Variants in CAMTA1 observed in about 807,000 individuals in gnomAD.
CAMTA1 encodes calmodulin-binding transcription activator 1.
Under a neutral mutation model 170.9 loss-of-function variants are expected in CAMTA1, and 27 were observed. That is an observed-to-expected ratio of 0.16 (90% CI 0.12 to 0.22). The LOEUF (loss-of-function observed/expected upper bound fraction) is 0.22. Among genes scored for constraint, CAMTA1 ranks in the 10% least tolerant of loss-of-function variants. The pLI is 1.00. For synonymous variants in CAMTA1, 833 were observed against 891.5 expected (o/e 0.93, Z 1.17); for missense variants, 1,619 against 2,217.2 (o/e 0.73, Z 5.42).
chr1:7,494,847 A>T (rs2093799942), intron 6 of CAMTA1, among the ~76,000 whole-genome samples: 1 of 152,166 alleles, frequency 6.6e-6, no homozygotes, highest in East Asian at 1.9e-4. Flanking sequence ...TCTGGTCCAG[A>T]TAGAAGCCAG....
chr1:7,750,575 T>C (rs2096889637), intron 19 of CAMTA1, among the ~76,000 whole-genome samples: 1 of 152,264 alleles, frequency 6.6e-6, no homozygotes, highest in Non-Finnish European at 1.5e-5. Context: ...CTCCTGGCAC[T>C]GCCTCCTGGG....
chr1:6,963,790 C>G (rs939114546), intron 3 of CAMTA1, among the ~76,000 whole-genome samples: 2 of 152,130 alleles, frequency 1.3e-5, no homozygotes, highest in Non-Finnish European at 2.9e-5. Flanking sequence ...AGGTGGCGAC[C>G]GTGCGAGCAG....
intron 4 of CAMTA1, among the ~76,000 whole-genome samples, chr1:7,126,193 G>A (rs1644923686): frequency 6.6e-6 from 1 of 152,162 alleles, no homozygotes; most frequent in Non-Finnish European, 1.5e-5. Context: ...CAACACTGGG[G>A]AATGATGGGA....
At chr1:7,460,473 G>A (rs1473883189) in intron 5 of CAMTA1, among the ~76,000 whole-genome samples, 1 of 152,096 alleles carries the variant, frequency 6.6e-6, no homozygotes, top group Non-Finnish European at 1.5e-5. Flanking sequence ...AGAGCTCAAG[G>A]CAGGCACAGA....
At chr1:6,788,426 C>A (rs1314317693) in intron 1 of CAMTA1, among the ~76,000 whole-genome samples, 2 of 152,132 alleles carry the variant, frequency 1.3e-5, no homozygotes, top group Non-Finnish European at 2.9e-5. Context: ...TGGACTTTGC[C>A]TTTCAGTTAG....
At chr1:7,466,679 G>A (rs1449239547) in intron 5 of CAMTA1, among the ~76,000 whole-genome samples, 1 of 152,192 alleles carries the variant, frequency 6.6e-6, no homozygotes, top group Non-Finnish European at 1.5e-5. Context: ...GTGTGGCTCT[G>A]AGGAACTTTC....
intron 6 of CAMTA1, among the ~76,000 whole-genome samples, chr1:7,583,661 T>C (rs1255290587): frequency 6.6e-6 from 1 of 152,238 alleles, no homozygotes; most frequent in Non-Finnish European, 1.5e-5. Context: ...CTGCCGCCTC[T>C]GGGGGGCAGT....
chr1:7,117,668 A>C (rs1241304712), intron 4 of CAMTA1, among the ~76,000 whole-genome samples: 1 of 152,196 alleles, frequency 6.6e-6, no homozygotes, highest in Non-Finnish European at 1.5e-5. Context: ...AGTGTTGAGC[A>C]GAGGACGGCC....
chr1:7,598,285 A>G (rs1252983282), intron 6 of CAMTA1, among the ~76,000 whole-genome samples: 13 of 152,180 alleles, frequency 8.5e-5, no homozygotes, highest in Non-Finnish European at 1.8e-4. Flanking sequence ...TTATGGCTGC[A>G]TAGTATTCCA....
intron 3 of CAMTA1, among the ~76,000 whole-genome samples, chr1:6,984,544 G>A (rs752062348): frequency 3.3e-5 from 5 of 152,152 alleles, no homozygotes; most frequent in Non-Finnish European, 5.9e-5. Flanking sequence ...AACCTGGGAG[G>A]CGGAGGTTGC....
intron 5 of CAMTA1, among the ~76,000 whole-genome samples, chr1:7,444,381 G>A (rs1051998795): frequency 1.2e-4 from 18 of 152,330 alleles, no homozygotes; most frequent in East Asian, 1.9e-4. Flanking sequence ...CTTCTGCCAC[G>A]TGATGGGCTG....
chr1:7,460,866 C>T (rs1449076963), intron 5 of CAMTA1, among the ~76,000 whole-genome samples: 7 of 152,110 alleles, frequency 4.6e-5, no homozygotes, highest in Non-Finnish European at 8.8e-5. Flanking sequence ...ACTTCCCTAG[C>T]GGCAGAGAGA....
chr1:7,380,683 A>T (rs550925221), intron 5 of CAMTA1, among the ~76,000 whole-genome samples: 4 of 152,268 alleles, frequency 2.6e-5, no homozygotes, highest in Non-Finnish European at 4.4e-5. Context: ...AGAATGTGGC[A>T]TAAATACAGT....
At chr1:7,054,086 T>C (rs1489028370) in intron 3 of CAMTA1, among the ~76,000 whole-genome samples, 2 of 152,216 alleles carry the variant, frequency 1.3e-5, no homozygotes, top group African/African-American at 4.8e-5. Flanking sequence ...CAGCCCAGCC[T>C]CTGACTTAAT....
Position 6,887,984 on chromosome 1 carries a change from C to T in CAMTA1, c.234+62774C>T, listed in dbSNP as rs1176205563. ...TGCACACGCCTCCTGGTCCAGAGGCCTCCGTGACCATCCATGATGCCACTC... is the reference window on the plus strand; with the variant it reads ...TGCACACGCCTCCTGGTCCAGAGGCTTCCGTGACCATCCATGATGCCACTC... On this transcript the variant is annotated intron_variant, in intron 3 of 22. Coordinates refer to ENST00000303635, the MANE Select transcript of CAMTA1 (RefSeq NM_015215.4). This position sits in a 1 kb window ranked among gnomAD's most constrained non-coding sequence, Gnocchi z 4.1. The T allele has an allele frequency of 8.4e-7, 1 of 1,185,386 alleles. No homozygotes were observed. The highest frequency in any genetic ancestry group is 4.5e-5 in the East Asian group (1 of 22,242). The allele number at this position is 1,185,386 out of a possible 1,614,324, so 73.4% of individuals were successfully genotyped here. A position where few individuals can be genotyped will look rare whatever the true frequency, so the allele number is the denominator to read the frequency against.
intron 3 of CAMTA1, among the ~76,000 whole-genome samples, chr1:7,018,778 A>G (rs2100911166): frequency 6.6e-6 from 1 of 152,180 alleles, no homozygotes; most frequent in East Asian, 1.9e-4. Context: ...TCCTGGAGTC[A>G]TTTCTTGGTT....
At chr1:7,372,637 G>A (rs534583509) in intron 5 of CAMTA1, among the ~76,000 whole-genome samples, 6 of 152,162 alleles carry the variant, frequency 3.9e-5, no homozygotes, top group Admixed American at 2.0e-4. Flanking sequence ...AATTACAATC[G>A]CCACAGTGAT....
chr1:7,655,097 C>CAA (rs2095879030), intron 7 of CAMTA1, among the ~76,000 whole-genome samples: 1 of 13,044 alleles, frequency 7.7e-5, no homozygotes, highest in African/African-American at 3.5e-4. Context: ...CCTATACACA[C>CAA]ACACCTATAC....
chr1:6,979,679 C>T (rs370680998), intron 3 of CAMTA1, among the ~76,000 whole-genome samples: 15 of 152,318 alleles, frequency 9.8e-5, no homozygotes, highest in Admixed American at 2.6e-4. Context: ...GTTCTTAGAA[C>T]GCTGCTACCA....
Sources: gnomAD v4.1 joint callset for allele counts (sites outside exome capture counted in the v4.1 genomes callset) on GRCh38, gnomAD v4.1.1 for gene constraint, Gnocchi (gnomAD v3.1) non-coding constraint, MANE v1.5 for transcripts, NCBI Gene and HGNC (gene_info 2026-07-23, HGNC 2026-07-21) for gene names.